The following FAM120B variants were observed in gnomAD, a reference collection of about 807,000 sequenced individuals.
FAM120B encodes the protein family with sequence similarity 120 member B.
FAM120B carries 83 observed loss-of-function variants against 96.3 expected under a neutral mutation model. That is an observed-to-expected ratio of 0.86 (90% confidence interval 0.72 to 1.03). FAM120B has a LOEUF of 1.03. Ranked by LOEUF, FAM120B falls within the 50% of genes least tolerant of loss-of-function variation. The pLI, the probability that FAM120B is intolerant of heterozygous loss-of-function variation, is 0.00. For missense variants in FAM120B, 1,027 were observed against 1,121.2 expected (o/e 0.92, Z 1.20); for synonymous variants, 407 against 402.7 (o/e 1.01, Z -0.13).
At chr6:170,365,328 G>C (rs112727495) in intron 6 of FAM120B, among the ~76,000 whole-genome samples, 4 of 152,342 alleles carry the variant, frequency 2.6e-5, no homozygotes, top group African/African-American at 9.6e-5. Flanking sequence ...GACGGTGGCA[G>C]AAAAGAGTCT....
chr6:170,389,218 A>G (rs1790353347), intron 7 of FAM120B, among the ~76,000 whole-genome samples: 1 of 152,202 alleles, frequency 6.6e-6, no homozygotes, highest in African/African-American at 2.4e-5. Flanking sequence ...TCTAAACACA[A>G]AGTTCATGTA....
intron 5 of FAM120B, among the ~76,000 whole-genome samples, chr6:170,356,425 A>G (rs1194108064): frequency 3.3e-5 from 5 of 152,244 alleles, no homozygotes; most frequent in Non-Finnish European, 5.9e-5. Context: ...ACATTTATAA[A>G]AATATTACAG....
chr6:170,319,969 G>T (rs991368672), intron 2 of FAM120B, among the ~76,000 whole-genome samples: 11 of 152,146 alleles, frequency 7.2e-5, no homozygotes, highest in Admixed American at 7.2e-4. Flanking sequence ...GATTTTTGAT[G>T]GGGGGCCACT....
rs1286258360 is a variant in FAM120B, at chr6:170,295,478, A to G, written c.48+25A>G. On this transcript the variant is annotated intron_variant, in intron 1 of 10. Coordinates refer to the FAM120B transcript ENST00000537664. This position sits in a 1 kb window ranked among gnomAD's most constrained non-coding sequence, Gnocchi z 7.8. ...GGTGAGCGCCGCCCGCGTGCACACA[A>G]GGCGCGCGGCCCCCAGGCAGCCGCG... The G allele has an allele frequency of 5.7e-6, 4 of 697,120 alleles. No individual in the cohort carries two copies. The highest frequency in any genetic ancestry group is 1.0e-5 in the Non-Finnish European group (4 of 382,516). 43.2% of individuals were successfully genotyped at this position (697,120 alleles called of 1,614,324 possible).
At chr6:170,309,446 G>C (rs1408223615) in intron 1 of FAM120B, among the ~76,000 whole-genome samples, 1 of 152,170 alleles carries the variant, frequency 6.6e-6, no homozygotes, top group African/African-American at 2.4e-5. Context: ...AAAAAAGCCA[G>C]CTCCTGAGTA....
chr6:170,402,513 A>G (rs1200143300), intron 9 of FAM120B, among the ~76,000 whole-genome samples: 10 of 152,260 alleles, frequency 6.6e-5, no homozygotes, highest in African/African-American at 2.2e-4. Flanking sequence ...CAGTGCGGGC[A>G]CGCTGGCCCT....
intron 9 of FAM120B, among the ~76,000 whole-genome samples, chr6:170,400,213 G>T (rs530419447): frequency 6.8e-6 from 1 of 147,808 alleles, no homozygotes; most frequent in East Asian, 3.7e-4. Flanking sequence ...ACCCTTAGGA[G>T]TGAGTGGGGA....
At chr6:170,380,666 G>A (rs943029493) in intron 6 of FAM120B, among the ~76,000 whole-genome samples, 6 of 152,284 alleles carry the variant, frequency 3.9e-5, no homozygotes, top group South Asian at 2.1e-4. Context: ...ATGTCTATTC[G>A]TGTCCTTTGC....
chr6:170,312,756 T>C (rs1784662721), intron 1 of FAM120B, among the ~76,000 whole-genome samples: 1 of 152,184 alleles, frequency 6.6e-6, no homozygotes, highest in Non-Finnish European at 1.5e-5. Context: ...AAGATTTTAC[T>C]CAAGACTATT....
At chr6:170,392,203 G>T (rs983823687) in intron 8 of FAM120B, among the ~76,000 whole-genome samples, 1 of 152,018 alleles carries the variant, frequency 6.6e-6, no homozygotes, top group Non-Finnish European at 1.5e-5. Context: ...AAGTCTGGGG[G>T]TTTTTTGCTT....
chr6:170,348,501 C>A (rs187759667), intron 5 of FAM120B, among the ~76,000 whole-genome samples, 178 bp downstream of exon 5: 8 of 152,232 alleles, frequency 5.3e-5, no homozygotes, highest in Admixed American at 3.9e-4. Flanking sequence ...TGGCAAAATA[C>A]GTACAAGAAA....
Position 170,348,154 on chromosome 6 carries a change from G to A in FAM120B, c.2021G>A (p.Gly674Glu). 2 of 1,612,842 alleles carry A rather than the reference G, an allele frequency of 1.2e-6. No individual in the cohort carries two copies. The highest frequency in any genetic ancestry group is 1.1e-5 in the South Asian group (1 of 90,904). ...ATGGACTTTTTTTCTTAACTAGGGG[G>A]AACGCCTAGTTTGAAAATATTATGG... ...VRPLQMTIPG[G>E]TPSLKILWLN... Residue 674 changes from glycine to glutamate, a missense_variant, in exon 5 of 11, where the codon GGA becomes GAA. This residue lies in a region of FAM120B where 880 missense variants were observed against 980.9 expected (regional missense o/e 0.90). Transcript: ENST00000476287.
At chr6:170,301,520 T>TC (rs1784141392) in intron 1 of FAM120B, among the ~76,000 whole-genome samples, 1 of 152,074 alleles carries the variant, frequency 6.6e-6, no homozygotes. Context: ...TTATGCAAAT[T>TC]TGTTGCCAAC....
At chr6:170,397,427 G>A (rs1778232349) in intron 9 of FAM120B, among the ~76,000 whole-genome samples, 1 of 152,166 alleles carries the variant, frequency 6.6e-6, no homozygotes, top group Admixed American at 6.5e-5. Context: ...GGCCAGATTT[G>A]GGGGCAGAGG....
At chr6:170,355,810 A>G (rs1350907157) in intron 5 of FAM120B, among the ~76,000 whole-genome samples, 1 of 152,152 alleles carries the variant, frequency 6.6e-6, no homozygotes, top group Non-Finnish European at 1.5e-5. Flanking sequence ...AATATTTTCT[A>G]TTTTCTAATA....
In FAM120B at chr6:170,295,535, C is replaced by T. The variant is rs559061694; in HGVS notation, c.48+82C>T. 4.9e-5 allele frequency: 31 copies of T among 635,484 alleles called. No homozygotes were observed. In the Admixed American group the frequency reaches 6.8e-4, roughly 14 times the overall value. The allele number at this position is 635,484 out of a possible 1,614,324, so 39.4% of individuals were successfully genotyped here. On this transcript the variant is annotated intron_variant, in intron 1 of 10. Coordinates refer to the FAM120B transcript ENST00000537664. This position sits in a 1 kb window ranked among gnomAD's most constrained non-coding sequence, Gnocchi z 7.8. ...CAGCGGGCAGGAGCGCGACCCCCGG[C>T]GCGGGCAGCTCTGCGCGAAGGTGGG... is the stretch of plus-strand genomic sequence containing the variant.
rs927182119 is a variant in FAM120B at position 170,370,258 on chromosome 6, G to A, written c.2283+11940G>A. Among the ~76,000 whole-genome samples the A allele has an allele frequency of 6.6e-6, 1 of 152,178 alleles. No individual in the cohort carries two copies. The highest frequency in any genetic ancestry group is 2.4e-5 in the African/African-American group (1 of 41,446). ...ACATGTGCTAAGTGGCACCTTAGGG[G>A]GCCCTTGCTGCCCAGACAGTCCATG... On this transcript the variant is annotated intron_variant, in intron 6 of 10. Coordinates refer to ENST00000476287, the MANE Select transcript of FAM120B (RefSeq NM_032448.3). This position sits in a 1 kb window ranked among gnomAD's most constrained non-coding sequence, Gnocchi z 4.3.
At chr6:170,348,073 TA>T (rs1787313878) in intron 4 of FAM120B, 77 bp from the exon 5 acceptor site, 2 of 1,148,744 alleles carry the variant, frequency 1.7e-6, no homozygotes, top group Non-Finnish European at 1.2e-6. Context: ...TGTTTCCTTT[TA>T]CTGTATTTCT....
At position 170,363,920 on chromosome 6, in the gene FAM120B, A is replaced by C. The variant is rs141217624; in HGVS notation, c.2283+5602A>C. ...GCTAATTTTTGTATTTTCAATAGAG[A>C]TGGGGTTTTACCATGTTGGCCAGAC... On this transcript the variant is annotated intron_variant, in intron 6 of 10. Coordinates refer to ENST00000476287, the MANE Select transcript of FAM120B (RefSeq NM_032448.3). This position sits in a 1 kb window ranked among gnomAD's most constrained non-coding sequence, Gnocchi z 4.5. Among the ~76,000 whole-genome samples the C allele has an allele frequency of 6.6e-6, 1 of 152,092 alleles. No homozygotes were observed. Among genetic ancestry groups the C allele is most frequent in the Non-Finnish European group, 1.5e-5 (1 of 68,016 alleles).
Sources: gnomAD v4.1 joint callset for allele counts (sites outside exome capture counted in the v4.1 genomes callset) on GRCh38, gnomAD v4.1.1 for gene constraint, gnomAD v4.1.1 regional missense constraint, Gnocchi (gnomAD v3.1) non-coding constraint, MANE v1.5 for transcripts, NCBI Gene and HGNC (gene_info 2026-07-23, HGNC 2026-07-21) for gene names.